Variants in GABRR2 observed in about 807,000 individuals in gnomAD.
The protein encoded by GABRR2 is gamma-aminobutyric acid receptor subunit rho-2.
GABRR2 carries 36 observed loss-of-function variants against 47.0 expected under a neutral mutation model. The observed-to-expected ratio is 0.77, with a 90% CI of 0.59 to 1.01. The LOEUF is 1.01. Among genes scored for constraint, GABRR2 ranks in the 50% least tolerant of loss-of-function variants. GABRR2 has a pLI of 0.00. For synonymous variants in GABRR2, 204 were observed against 227.5 expected (o/e 0.90, Z 0.93); for missense variants, 587 against 594.6 (o/e 0.99, Z 0.13).
rs770316103 is a variant in GABRR2 at position 89,315,063 on chromosome 6, G to T, written c.103C>A (p.Pro35Thr). 2 of 1,613,222 alleles carry T rather than the reference G, an allele frequency of 1.2e-6. No individual in the cohort carries two copies. The highest frequency in any genetic ancestry group is 1.1e-5 in the South Asian group (1 of 90,980). Residue 35 changes from proline to threonine, a missense_variant, in exon 1 of 9, where the codon CCC becomes ACC. Pro to Thr is a conservative substitution (Grantham distance 38). Coordinates refer to ENST00000402938, the MANE Select transcript of GABRR2 (RefSeq NM_002043.5). ...CACCTATGACTTTACCTTGGCTTGG[G>T]CATTTCCACCTGCCCTGTCCATCGC... ...RKRWTGQVEM[P>T]KPSHLYKKNL...
chr6:89,280,247 T>TATATATATATACATAC (rs1271132149), intron 2 of GABRR2, among the ~76,000 whole-genome samples: 2 of 101,342 alleles, frequency 2.0e-5, no homozygotes, highest in East Asian at 6.6e-4. Context: ...TATATATATA[T>TATATATATATACATAC]ATATATACAT....
At chr6:89,270,370 G>T (rs1456858141) in intron 3 of GABRR2, 1 of 152,226 alleles carries the variant, frequency 6.6e-6, no homozygotes, top group East Asian at 1.9e-4. Context: ...TCTGTGAGAG[G>T]CAGGTCATTC....
At chr6:89,300,228 G>A (rs1774642825) in intron 1 of GABRR2, among the ~76,000 whole-genome samples, 1 of 152,184 alleles carries the variant, frequency 6.6e-6, no homozygotes, top group African/African-American at 2.4e-5. Flanking sequence ...TGAGAAAGGG[G>A]GCTAGGTGCA....
At chr6:89,264,919 C>T (rs1334524463) in intron 7 of GABRR2, among the ~76,000 whole-genome samples, 1 of 152,064 alleles carries the variant, frequency 6.6e-6, no homozygotes, top group African/African-American at 2.4e-5. Flanking sequence ...TCTGAAGGAA[C>T]GTTCTCAAAC....
chr6:89,288,620 A>G (rs1218650763), intron 2 of GABRR2, among the ~76,000 whole-genome samples: 1 of 152,188 alleles, frequency 6.6e-6, no homozygotes, highest in Non-Finnish European at 1.5e-5. Flanking sequence ...ATGCAGGAGT[A>G]GATAACCAGA....
intron 6 of GABRR2, among the ~76,000 whole-genome samples, chr6:89,266,864 A>G (rs6921770): frequency 0.8 from 120,811 of 151,666 alleles, 48,269 homozygotes; most frequent in Middle Eastern, 0.84. Context: ...TCTATTGCCC[A>G]GGCTGGAGTG....
rs1478680459 is a variant in GABRR2 at position 89,280,256 on chromosome 6, A to ATATATACG, written c.221-8535_221-8534insCGTATATA. On this transcript the variant is annotated intron_variant, in intron 2 of 8. Transcript: ENST00000402938. ...TATATATATATATATATATATATAC[A>ATATATACG]TACATATACATATACACATACACAC... is the stretch of plus-strand genomic sequence containing the variant. 8.8e-5 allele frequency among the ~76,000 whole-genome samples: 12 copies of ATATATACG among 136,760 alleles called. No individual in the cohort carries two copies. The Admixed American group carries it at 9.0e-4, about 10-fold the overall frequency. 89.7% of individuals were successfully genotyped at this position (136,760 alleles called of 152,430 possible).
At chr6:89,281,610 C>T (rs1015129907) in intron 2 of GABRR2, among the ~76,000 whole-genome samples, 2 of 152,084 alleles carry the variant, frequency 1.3e-5, no homozygotes, top group South Asian at 2.1e-4. Flanking sequence ...GCCCTTATGT[C>T]TGTTAAGATG....
At chr6:89,294,158 G>GTTT (rs1177213355) in intron 2 of GABRR2, among the ~76,000 whole-genome samples, 1 of 151,748 alleles carries the variant, frequency 6.6e-6, no homozygotes, top group Non-Finnish European at 1.5e-5. Context: ...ATTTTTCGTT[G>GTTT]TTTTTGAGCC....
rs141718977 is a variant in GABRR2 at position 89,264,549 on chromosome 6, G to A, written c.949C>T (p.Arg317Cys). Residue 317 changes from arginine to cysteine, a missense_variant, in exon 8 of 9, where the codon CGC becomes TGC. Coordinates refer to ENST00000402938, the MANE Select transcript of GABRR2 (RefSeq NM_002043.5). ...IITGVNASMP[R>C]VSYVKAVDIY... is the part of the protein sequence containing the mutation. ...TCCACGGCCTTGACGTAGGAGACGCGCGGCATGGAGGCATTCACGCCCGTG... is the reference window on the plus strand; with the variant it reads ...TCCACGGCCTTGACGTAGGAGACGCACGGCATGGAGGCATTCACGCCCGTG... 1.4e-5 allele frequency: 22 copies of A among 1,614,082 alleles called. No individual in the cohort carries two copies. Among genetic ancestry groups the A allele is most frequent in the Admixed American group, 1.3e-4 (8 of 59,998 alleles).
chr6:89,300,507 A>C (rs1220057426), intron 1 of GABRR2, among the ~76,000 whole-genome samples: 4 of 151,890 alleles, frequency 2.6e-5, no homozygotes, highest in East Asian at 1.9e-4. Flanking sequence ...GCAAAAAAAA[A>C]CAAAAAGAAA....
rs755582726 is a variant in GABRR2, at chr6:89,268,090, C to T, written c.519G>A (p.Thr173=). The T allele has an allele frequency of 1.6e-5, 25 of 1,607,714 alleles. No individual in the cohort carries two copies. In the South Asian group the frequency reaches 1.7e-4, roughly 11 times the overall value. The change falls in exon 5 of 9, where the codon ACG becomes ACA. Residue 173 remains threonine (T), a synonymous_variant. Coordinates refer to ENST00000402938, the MANE Select transcript of GABRR2 (RefSeq NM_002043.5). ...DGHVLYSMRI[T]VTAMCNMDFS... is the part of the protein sequence containing the mutation. ...AGTCCATGTTGCACATGGCAGTGAC[C>T]GTAATCCTAGACAACCCAGAGTCAC... is the stretch of plus-strand genomic sequence containing the variant.
At chr6:89,269,433 G>T (rs1424970312) in intron 3 of GABRR2, 199 bp from the exon 4 acceptor site, 5 of 577,864 alleles carry the variant, frequency 8.7e-6, no homozygotes, top group Non-Finnish European at 1.5e-5. Flanking sequence ...TGCGCTTGGA[G>T]CCCAGGAGAC....
intron 2 of GABRR2, among the ~76,000 whole-genome samples, chr6:89,295,450 C>T (rs1037299252): frequency 6.6e-6 from 1 of 152,108 alleles, no homozygotes; most frequent in African/African-American, 2.4e-5. Flanking sequence ...TGAGAAGTAT[C>T]TGTTCTTATC....
rs896707679 is a variant in GABRR2, at chr6:89,256,432, T to C, written c.*1238A>G. Among the ~76,000 whole-genome samples, 16 of 152,154 alleles carry C rather than the reference T, an allele frequency of 1.1e-4. No individual in the cohort carries two copies. Among genetic ancestry groups the C allele is most frequent in the African/African-American group, 3.9e-4 (16 of 41,426 alleles). ...CCTAGTGCAGAGATACTTTAAAATGTTTATTGCCTGAATATATAATAGTAA... is the reference window on the plus strand; with the variant it reads ...CCTAGTGCAGAGATACTTTAAAATGCTTATTGCCTGAATATATAATAGTAA... On this transcript the variant is annotated 3_prime_UTR_variant, in exon 9 of 9. Coordinates refer to ENST00000402938, the MANE Select transcript of GABRR2 (RefSeq NM_002043.5).
chr6:89,301,690 G>T (rs566137494), intron 1 of GABRR2: 1 of 587,862 alleles, frequency 1.7e-6, no homozygotes, highest in East Asian at 3.0e-5. Flanking sequence ...TCTACAATGA[G>T]AATTGCAAAA....
Position 89,299,789 on chromosome 6 carries a change from GCTCGTC to G in GABRR2, c.184_189del (p.Asp62_Glu63del). On this transcript the variant is annotated inframe_deletion, in exon 2 of 9. Transcript: ENST00000402938. ...AAGGCGGGTCTCATGCTGAAGTCGT[GCTCGTC>G]CACTCTGAGAAGCTGCTGAGGCTTT... 6.2e-7 allele frequency: 1 copy of G among 1,613,852 alleles called. No individual in the cohort carries two copies.
intron 3 of GABRR2, among the ~76,000 whole-genome samples, chr6:89,271,253 A>G (rs766313587): frequency 1.7e-4 from 26 of 152,280 alleles, no homozygotes; most frequent in Non-Finnish European, 3.2e-4. Flanking sequence ...GGACACTGCC[A>G]CAAAGTGAGT....
intron 2 of GABRR2, among the ~76,000 whole-genome samples, chr6:89,278,407 CT>C: frequency 6.6e-6 from 1 of 152,168 alleles, no homozygotes; most frequent in Non-Finnish European, 1.5e-5. Context: ...GTTTAGCGTC[CT>C]TTTCTCAATG....
Sources: allele counts gnomAD v4.1 joint callset (sites outside exome capture counted in the v4.1 genomes callset), GRCh38; gene constraint gnomAD v4.1.1; transcripts MANE v1.5; gene names NCBI Gene and HGNC (gene_info 2026-07-23, HGNC 2026-07-21).